Variants in HDAC4 observed in about 807,000 individuals in gnomAD.
HDAC4 encodes histone deacetylase 4, also known as histone deacetylase A.
Under a neutral mutation model 135.1 loss-of-function variants are expected in HDAC4, and 16 were observed. The observed-to-expected ratio is 0.12, with a 90% CI of 0.08 to 0.18. The LOEUF (loss-of-function observed/expected upper bound fraction) is 0.18. HDAC4 is among the 10% of genes least tolerant of loss of function. The probability of loss-of-function intolerance (pLI) is 1.00; values close to 1 mark genes in which losing one functional copy is unlikely to be tolerated. For synonymous variants in HDAC4, 685 were observed against 653.4 expected (o/e 1.05, Z -0.74); for missense variants, 1,143 against 1,511.8 (o/e 0.76, Z 4.05).
intron 1 of HDAC4, among the ~76,000 whole-genome samples, chr2:239,382,746 C>T (rs990518837): frequency 7.3e-5 from 11 of 151,134 alleles, no homozygotes; most frequent in Non-Finnish European, 1.2e-4. Flanking sequence ...TTTTTTTAGA[C>T]GCAGTTTGGT....
chr2:239,160,800 T>C (rs2152961498), intron 6 of HDAC4, among the ~76,000 whole-genome samples: 1 of 152,386 alleles, frequency 6.6e-6, no homozygotes, highest in East Asian at 1.9e-4. Context: ...TCGTGTTGCT[T>C]GCTTTCATGT....
chr2:239,278,707 T>C (rs983548133), intron 2 of HDAC4, among the ~76,000 whole-genome samples: 3 of 152,144 alleles, frequency 2.0e-5, no homozygotes, highest in Admixed American at 6.5e-5. Flanking sequence ...CACATGTCAG[T>C]CAAAATAAGT....
rs563079023 is a variant in HDAC4, at chr2:239,331,280, C to G, written c.22+21398G>C. Among the ~76,000 whole-genome samples the G allele has an allele frequency of 1.3e-5, 2 of 152,170 alleles. No homozygotes were observed. The highest frequency in any genetic ancestry group is 1.3e-4 in the Admixed American group (2 of 15,294). On this transcript the variant is annotated intron_variant, in intron 2 of 26. Coordinates refer to ENST00000543185, the MANE Select transcript of HDAC4 (RefSeq NM_001378414.1). This position sits in a 1 kb window ranked among gnomAD's most constrained non-coding sequence, Gnocchi z 4.5. ...ATATTCGAGGGGAAAACGGTAAAAGCCACGAGAAGGAGGCAGGATGGGGGA... is the reference window on the plus strand; with the variant it reads ...ATATTCGAGGGGAAAACGGTAAAAGGCACGAGAAGGAGGCAGGATGGGGGA...
intron 21 of HDAC4, 35 bp downstream of exon 21, chr2:239,082,067 C>G (rs769746123): frequency 6.2e-7 from 1 of 1,612,566 alleles, no homozygotes; most frequent in South Asian, 1.1e-5. Context: ...CGCAGTCCCC[C>G]TTTCCCCCCA....
At chr2:239,106,373 G>A (rs976106947) in intron 15 of HDAC4, among the ~76,000 whole-genome samples, 2 of 152,196 alleles carry the variant, frequency 1.3e-5, no homozygotes, top group Non-Finnish European at 2.9e-5. Context: ...AGCAGGTTAT[G>A]GAGCTCTGGA....
At chr2:239,281,846 A>G (rs1053028235) in intron 2 of HDAC4, among the ~76,000 whole-genome samples, 1 of 150,234 alleles carries the variant, frequency 6.7e-6, no homozygotes, top group Admixed American at 6.6e-5. Context: ...TCTACAATGA[A>G]CACACCACTC....
At chr2:239,184,602 G>A (rs2044394936) in intron 4 of HDAC4, among the ~76,000 whole-genome samples, 1 of 138,136 alleles carries the variant, frequency 7.2e-6, no homozygotes, top group Non-Finnish European at 1.6e-5. Context: ...GTCCCTCAGT[G>A]TCTGTCCTGG....
At chr2:239,368,023 G>C (rs544620987) in intron 1 of HDAC4, among the ~76,000 whole-genome samples, 65 of 152,170 alleles carry the variant, frequency 4.3e-4, no homozygotes, top group African/African-American at 1.6e-3. Context: ...TTTAGACTCA[G>C]GTCCCATCCC....
At chr2:239,199,939 C>T (rs1245767694) in intron 3 of HDAC4, among the ~76,000 whole-genome samples, 6 of 152,214 alleles carry the variant, frequency 3.9e-5, no homozygotes, top group East Asian at 1.9e-4. Flanking sequence ...GGGGTTTCAC[C>T]GTGTTGGCCA....
At chr2:239,195,986 T>TC (rs1406103123) in intron 3 of HDAC4, among the ~76,000 whole-genome samples, 11 of 152,242 alleles carry the variant, frequency 7.2e-5, no homozygotes, top group Non-Finnish European at 1.3e-4. Flanking sequence ...TTTCATGCCA[T>TC]CATACAGATA....
chr2:239,139,626 T>C lies in HDAC4; in HGVS notation c.978+58A>G. On this transcript the variant is annotated intron_variant, in intron 9 of 26. Transcript: ENST00000543185. This position sits in a 1 kb window ranked among gnomAD's most constrained non-coding sequence, Gnocchi z 5.3. ...AGTGCAAAGTGGGGTCATTTCAAGC[T>C]CATCCGTCCCGAGTCCGACTCTAGC... is the stretch of plus-strand genomic sequence containing the variant. 6.8e-7 allele frequency: 1 copy of C among 1,461,628 alleles called. No individual in the cohort carries two copies. The highest frequency in any genetic ancestry group is 9.6e-7 in the Non-Finnish European group (1 of 1,041,214). 90.5% of individuals were successfully genotyped at this position (1,461,628 alleles called of 1,614,324 possible).
At chr2:239,290,505 T>G (rs974035184) in intron 2 of HDAC4, among the ~76,000 whole-genome samples, 1 of 152,082 alleles carries the variant, frequency 6.6e-6, no homozygotes, top group African/African-American at 2.4e-5. Context: ...AAGAGAGTTT[T>G]GGAGAGAAAG....
At chr2:239,393,871 T>C (rs1217174959) in intron 1 of HDAC4, among the ~76,000 whole-genome samples, 1 of 152,190 alleles carries the variant, frequency 6.6e-6, no homozygotes, top group African/African-American at 2.4e-5. Context: ...TCATCTCATG[T>C]AAAACCTAGT....
intron 19 of HDAC4, 142 bp from the exon 20 acceptor site, chr2:239,084,384 AC>A: frequency 1.5e-6 from 1 of 686,352 alleles, no homozygotes; most frequent in Admixed American, 2.1e-5. Context: ...GTCGCAGGGA[AC>A]CCTCAGTGAT....
chr2:239,299,688 C>A lies in HDAC4; in HGVS notation c.22+52990G>T, dbSNP rs2052132913. On this transcript the variant is annotated intron_variant, in intron 2 of 26. Coordinates refer to ENST00000543185, the MANE Select transcript of HDAC4 (RefSeq NM_001378414.1). The surrounding 1 kb of genome is among the most constrained non-coding windows in gnomAD (Gnocchi z 4.0). ...AAGCGTCATGGGTAGAATCACGGAGCAAGGTCCTGCCCACCTGCACTGGTG... is the reference window on the plus strand; with the variant it reads ...AAGCGTCATGGGTAGAATCACGGAGAAAGGTCCTGCCCACCTGCACTGGTG... Among the ~76,000 whole-genome samples the A allele has an allele frequency of 1.3e-5, 2 of 152,206 alleles. No homozygotes were observed. Among genetic ancestry groups the A allele is most frequent in the South Asian group, 4.1e-4 (2 of 4,836 alleles).
At chr2:239,319,352 A>C (rs1464030508) in intron 2 of HDAC4, among the ~76,000 whole-genome samples, 1 of 152,262 alleles carries the variant, frequency 6.6e-6, no homozygotes, top group Admixed American at 6.5e-5. Flanking sequence ...CAAATGATTA[A>C]GAAAACGAAA....
intron 22 of HDAC4, among the ~76,000 whole-genome samples, chr2:239,078,785 G>A (rs1441050473): frequency 6.6e-6 from 1 of 152,204 alleles, no homozygotes; most frequent in East Asian, 1.9e-4. Context: ...ATGCCACGGG[G>A]TGAGGGTTTC....
intron 1 of HDAC4, among the ~76,000 whole-genome samples, chr2:239,366,822 AT>A (rs1191687371): frequency 1.3e-5 from 2 of 149,884 alleles, no homozygotes; most frequent in Non-Finnish European, 2.9e-5. Flanking sequence ...TCCCTGACTT[AT>A]CCCTGCCCTA....
intron 3 of HDAC4, among the ~76,000 whole-genome samples, chr2:239,234,601 A>T (rs1446999864): frequency 6.6e-6 from 1 of 152,216 alleles, no homozygotes; most frequent in Non-Finnish European, 1.5e-5. Flanking sequence ...TCTTTATGAG[A>T]ACTCTGTAGA....
Sources: gnomAD v4.1 joint callset for allele counts (sites outside exome capture counted in the v4.1 genomes callset) on GRCh38, gnomAD v4.1.1 for gene constraint, Gnocchi (gnomAD v3.1) non-coding constraint, MANE v1.5 for transcripts, NCBI Gene and HGNC (gene_info 2026-07-23, HGNC 2026-07-21) for gene names.